The following DPP6 variants were observed in gnomAD, a reference collection of about 807,000 sequenced individuals.
DPP6 encodes the protein A-type potassium channel modulatory protein DPP6.
DPP6 carries 69 observed loss-of-function variants against 122.6 expected under a neutral mutation model. The observed-to-expected ratio is 0.56, with a 90% CI of 0.46 to 0.69. The LOEUF (loss-of-function observed/expected upper bound fraction) is 0.69, where lower values mean the gene tolerates loss of function less well. DPP6 is among the 30% of genes least tolerant of loss of function. The probability of loss-of-function intolerance (pLI) is 0.00; values close to 1 mark genes in which losing one functional copy is unlikely to be tolerated. For synonymous variants in DPP6, 418 were observed against 433.1 expected (o/e 0.97, Z 0.43); for missense variants, 928 against 1,116.9 (o/e 0.83, Z 2.41).
intron 21 of DPP6, 41 bp downstream of exon 21, chr7:154,880,983 A>T: frequency 6.2e-7 from 1 of 1,611,322 alleles, no homozygotes; most frequent in African/African-American, 1.3e-5. Flanking sequence ...CCTCAGTTCC[A>T]GTGTGGCCTG....
At chr7:154,773,062 T>G in intron 10 of DPP6, 120 bp downstream of exon 10, 1 of 1,288,120 alleles carries the variant, frequency 7.8e-7, no homozygotes, top group Non-Finnish European at 1.0e-6. Context: ...AAGAAAAAGG[T>G]ACCTTTCCTA....
chr7:154,671,020 G>A (rs1446661774), intron 7 of DPP6, among the ~76,000 whole-genome samples: 2 of 152,174 alleles, frequency 1.3e-5, no homozygotes, highest in African/African-American at 4.8e-5. Flanking sequence ...CTTGACCGAG[G>A]AACACCAATC....
intron 1 of DPP6, among the ~76,000 whole-genome samples, chr7:153,951,904 G>C (rs544091496): frequency 6.6e-6 from 1 of 152,116 alleles, no homozygotes; most frequent in African/African-American, 2.4e-5. Context: ...TTACTTGGGC[G>C]TGGTGGTGCA....
Position 153,969,948 on chromosome 7 carries a change from G to C in DPP6, c.51+82214G>C, listed in dbSNP as rs189940675. Among the ~76,000 whole-genome samples, 4 of 151,938 alleles carry C rather than the reference G, an allele frequency of 2.6e-5. No homozygotes were observed. In the East Asian group the frequency reaches 7.7e-4, roughly 29 times the overall value. On this transcript the variant is annotated intron_variant, in intron 1 of 25. Transcript: ENST00000404039. ...GAATCATGGAGTACCTATCATTTGG[G>C]TCTGGCCTCCTTCTCAGTACAATAC...
intron 12 of DPP6, among the ~76,000 whole-genome samples, chr7:154,798,685 A>T (rs1798180097): frequency 6.6e-6 from 1 of 152,190 alleles, no homozygotes; most frequent in African/African-American, 2.4e-5. Context: ...GGAGGCCAGG[A>T]TGTCTCTGAA....
the DPP6 span, among the ~76,000 whole-genome samples, chr7:153,800,077 A>G: frequency 6.6e-6 from 1 of 152,218 alleles, no homozygotes; most frequent in African/African-American, 2.4e-5. Flanking sequence ...CTGGGAATAT[A>G]TCCAAAACAA....
rs559325015 is a variant in DPP6 at position 154,381,458 on chromosome 7, T to C, written c.244-64756T>C. On this transcript the variant is annotated intron_variant, in intron 1 of 25. Coordinates refer to ENST00000377770, the MANE Select transcript of DPP6 (RefSeq NM_130797.4). Reference sequence around the variant, plus strand: ...GGGTCTGTGTGTACATATCGGTATGTATAGCTGTGTGAGAGGATCTATAGA... The same window carrying C: ...GGGTCTGTGTGTACATATCGGTATGCATAGCTGTGTGAGAGGATCTATAGA... Among the ~76,000 whole-genome samples the C allele has an allele frequency of 4.6e-5, 7 of 152,336 alleles. No homozygotes were observed. In the East Asian group the frequency reaches 9.7e-4, roughly 21 times the overall value.
intron 7 of DPP6, among the ~76,000 whole-genome samples, chr7:154,687,205 C>A (rs1241775406): frequency 6.6e-6 from 1 of 152,116 alleles, no homozygotes; most frequent in African/African-American, 2.4e-5. Flanking sequence ...TATATAAAGT[C>A]TCCTATATTA....
At chr7:154,248,311 C>G (rs955960740) in intron 1 of DPP6, among the ~76,000 whole-genome samples, 1 of 152,128 alleles carries the variant, frequency 6.6e-6, no homozygotes, top group Non-Finnish European at 1.5e-5. Flanking sequence ...ATACATGTCA[C>G]AGCAGGGATG....
chr7:153,845,619 G>T, the DPP6 span, among the ~76,000 whole-genome samples: 8 of 151,686 alleles, frequency 5.3e-5, 1 homozygote, highest in South Asian at 1.3e-3. Flanking sequence ...TTCTATTTTT[G>T]TGCTTTTCAT....
At chr7:154,785,029 G>C (rs1797258213) in intron 10 of DPP6, among the ~76,000 whole-genome samples, 1 of 152,170 alleles carries the variant, frequency 6.6e-6, no homozygotes, top group South Asian at 2.1e-4. Flanking sequence ...GGTGTGTGGG[G>C]AAGGACATCT....
the DPP6 span, among the ~76,000 whole-genome samples, chr7:153,815,351 A>C: frequency 6.6e-6 from 1 of 152,096 alleles, no homozygotes; most frequent in Non-Finnish European, 1.5e-5. Flanking sequence ...CCTGCATCAG[A>C]GTGCCTGGTG....
At chr7:154,476,207 A>G (rs1176374302) in intron 3 of DPP6, among the ~76,000 whole-genome samples, 2 of 152,200 alleles carry the variant, frequency 1.3e-5, no homozygotes, top group Non-Finnish European at 1.5e-5. Flanking sequence ...AAAAGTGAAA[A>G]AAGTAGGTGG....
the DPP6 span, among the ~76,000 whole-genome samples, chr7:153,780,049 G>A: frequency 6.6e-6 from 1 of 151,456 alleles, no homozygotes; most frequent in Non-Finnish European, 1.5e-5. Flanking sequence ...GTGCTTGGAG[G>A]AGTACAGAGA....
intron 6 of DPP6, among the ~76,000 whole-genome samples, chr7:154,658,544 A>T (rs1234507167): frequency 2.6e-5 from 4 of 152,134 alleles, no homozygotes; most frequent in African/African-American, 7.2e-5. Context: ...TCCGGGAGGA[A>T]GCCTTCTGCA....
chr7:154,298,653 T>C (rs1476634303), intron 1 of DPP6, among the ~76,000 whole-genome samples: 1 of 152,162 alleles, frequency 6.6e-6, no homozygotes, highest in Non-Finnish European at 1.5e-5. Context: ...GCCTGAAGCA[T>C]GGGGTGAAGG....
At chr7:153,886,282 C>T (rs143955822), upstream of DPP6, among the ~76,000 whole-genome samples, 1 of 152,262 alleles carries the variant, frequency 6.6e-6, no homozygotes, top group East Asian at 1.9e-4. Flanking sequence ...GAGCCAACCG[C>T]GTTTGTGAAT....
At chr7:154,078,874 G>C in intron 1 of DPP6, among the ~76,000 whole-genome samples, 1 of 142,144 alleles carries the variant, frequency 7.0e-6, no homozygotes. Flanking sequence ...CAAAATGATT[G>C]TAGATTTTTT....
In DPP6 at chr7:154,894,095, C is replaced by T. The variant is rs1047064; in HGVS notation, c.*1615C>T. 0.3 allele frequency: 44,992 copies of T among 152,078 alleles called. 6,839 individuals are homozygous for T. Among genetic ancestry groups the T allele is most frequent in the Middle Eastern group, 0.46 (135 of 294 alleles). 9.4% of individuals were successfully genotyped at this position (152,078 alleles called of 1,614,324 possible). A position where few individuals can be genotyped will look rare whatever the true frequency, so the allele number is the denominator to read the frequency against. Reference sequence around the variant, plus strand: ...TCACCACCATTTGTGAAAGGACCAACGTGCTGATAAACAGGACCGATCCGA... The same window carrying T: ...TCACCACCATTTGTGAAAGGACCAATGTGCTGATAAACAGGACCGATCCGA... On this transcript the variant is annotated 3_prime_UTR_variant, in exon 26 of 26. Transcript: ENST00000377770.
Sources: allele counts gnomAD v4.1 joint callset (sites outside exome capture counted in the v4.1 genomes callset), GRCh38; gene constraint gnomAD v4.1.1; transcripts MANE v1.5; gene names NCBI Gene and HGNC (gene_info 2026-07-23, HGNC 2026-07-21).